Variants in ENOX1 observed in about 807,000 individuals in gnomAD.
The protein encoded by ENOX1 is candidate growth-related and time keeping constitutive hydroquinone (NADH) oxidase.
ENOX1 carries 42 observed loss-of-function variants against 82.5 expected under a neutral mutation model. The ratio of observed to expected loss-of-function variants is 0.51; its 90% CI spans 0.40 to 0.66. The LOEUF (loss-of-function observed/expected upper bound fraction) is 0.66, where lower values mean the gene tolerates loss of function less well. Ranked by LOEUF, ENOX1 falls within the 30% of genes least tolerant of loss-of-function variation. ENOX1 has a pLI of 0.00. For synonymous variants in ENOX1, 271 were observed against 282.2 expected (o/e 0.96, Z 0.40); for missense variants, 608 against 811.6 (o/e 0.75, Z 3.05).
chr13:43,597,295 T>C (rs928748535), intron 2 of ENOX1, among the ~76,000 whole-genome samples: 2 of 152,124 alleles, frequency 1.3e-5, no homozygotes, highest in Non-Finnish European at 1.5e-5. Context: ...CAGAGCCAAA[T>C]GATATCATGG....
At chr13:43,236,519 TCTCACCTTTTA>T in intron 15 of ENOX1, 106 bp downstream of exon 15, 1 of 597,978 alleles carries the variant, frequency 1.7e-6, no homozygotes, top group Non-Finnish European at 2.8e-6. Flanking sequence ...ATGAAATTAA[TCTCACCTTTTA>T]CCAGAAGGCA....
At chr13:43,702,431 G>A (rs1377448001) in intron 1 of ENOX1, among the ~76,000 whole-genome samples, 6 of 152,174 alleles carry the variant, frequency 3.9e-5, no homozygotes, top group African/African-American at 1.4e-4. Context: ...CTCTACTGCA[G>A]GATTAAACTT....
At chr13:43,513,395 G>A (rs567357692) in intron 2 of ENOX1, among the ~76,000 whole-genome samples, 7 of 152,194 alleles carry the variant, frequency 4.6e-5, no homozygotes, top group South Asian at 4.2e-4. Flanking sequence ...AAAAAAGACC[G>A]GAGAGGTGAG....
At chr13:43,333,496 T>C (rs951530439) in intron 9 of ENOX1, among the ~76,000 whole-genome samples, 1 of 152,228 alleles carries the variant, frequency 6.6e-6, no homozygotes, top group African/African-American at 2.4e-5. Context: ...AGTCATCACA[T>C]AGCAGCAGGA....
chr13:43,742,951 C>A (rs1594651876), intron 1 of ENOX1, among the ~76,000 whole-genome samples: 1 of 152,148 alleles, frequency 6.6e-6, no homozygotes, highest in African/African-American at 2.4e-5. Flanking sequence ...AGGATGAAAG[C>A]CTTCTATCCT....
chr13:43,519,848 G>A (rs181516529), intron 2 of ENOX1, among the ~76,000 whole-genome samples: 400 of 152,258 alleles, frequency 2.6e-3, no homozygotes, highest in Admixed American at 5.8e-3. Context: ...CAAAGCCCTC[G>A]TCAAGTTTCC....
intron 2 of ENOX1, among the ~76,000 whole-genome samples, chr13:43,649,610 C>T (rs543964865): frequency 3.3e-5 from 5 of 152,052 alleles, no homozygotes; most frequent in African/African-American, 7.2e-5. Context: ...ATTTGATTTC[C>T]AACTTCATCA....
intron 2 of ENOX1, among the ~76,000 whole-genome samples, chr13:43,511,376 T>C (rs1344180798): frequency 6.6e-6 from 1 of 152,200 alleles, no homozygotes; most frequent in Admixed American, 6.5e-5. Context: ...CAGAAGACCT[T>C]ATTTTATAGA....
rs553672501 is a variant in ENOX1, at chr13:43,477,074, C to A, written c.-75+6935G>T. 1.0e-3 allele frequency among the ~76,000 whole-genome samples: 153 copies of A among 150,370 alleles called. 1 individual carries two copies. The highest frequency in any genetic ancestry group is 3.7e-3 in the African/African-American group (150 of 41,032). ...AAATAAAAAAAAAATTGAGAAAAAA[C>A]AAGTTCCAAAGGTATATATTCAGTA... is the stretch of plus-strand genomic sequence containing the variant. On this transcript the variant is annotated intron_variant, in intron 3 of 16. Transcript: ENST00000690772.
chr13:43,592,320 T>C (rs1249347719), intron 2 of ENOX1, among the ~76,000 whole-genome samples: 2 of 152,216 alleles, frequency 1.3e-5, no homozygotes, highest in African/African-American at 4.8e-5. Flanking sequence ...AAGCATAACT[T>C]AGTGCATACT....
intron 12 of ENOX1, among the ~76,000 whole-genome samples, chr13:43,275,217 C>A (rs7987512): frequency 0.15 from 22,340 of 152,084 alleles, 2,126 homozygotes; most frequent in East Asian, 0.53. Context: ...CTTCTGTGAG[C>A]GGTGTGTCAA....
intron 12 of ENOX1, among the ~76,000 whole-genome samples, chr13:43,296,807 G>A (rs549709565): frequency 7.1e-4 from 108 of 152,284 alleles, no homozygotes; most frequent in African/African-American, 2.5e-3. Flanking sequence ...TAAAGCAACT[G>A]GGATAATCTT....
intron 2 of ENOX1, among the ~76,000 whole-genome samples, chr13:43,647,134 C>T (rs1218493613): frequency 2.0e-5 from 3 of 152,168 alleles, no homozygotes; most frequent in Non-Finnish European, 4.4e-5. Flanking sequence ...TTAGGGAACA[C>T]AGTCAAGAGC....
intron 14 of ENOX1, among the ~76,000 whole-genome samples, chr13:43,242,783 T>C (rs527956403): frequency 7.9e-5 from 12 of 152,366 alleles, no homozygotes; most frequent in Non-Finnish European, 1.6e-4. Context: ...GGAATTCTAC[T>C]CTTTCACTCC....
chr13:43,218,834 A>G (rs1019806619), intron 16 of ENOX1, among the ~76,000 whole-genome samples: 1 of 152,210 alleles, frequency 6.6e-6, no homozygotes, highest in African/African-American at 2.4e-5. Flanking sequence ...GAGAAAATTC[A>G]ATTTGTCCTT....
intron 5 of ENOX1, among the ~76,000 whole-genome samples, chr13:43,373,598 G>A (rs1386783577): frequency 5.9e-5 from 9 of 151,932 alleles, no homozygotes; most frequent in African/African-American, 9.7e-5. Context: ...ATACACACAC[G>A]TGTGCATAAA....
chr13:43,431,620 T>C (rs2055669424), intron 3 of ENOX1, among the ~76,000 whole-genome samples: 1 of 152,210 alleles, frequency 6.6e-6, no homozygotes, highest in Non-Finnish European at 1.5e-5. Flanking sequence ...CAGTGCCTAG[T>C]ACTTAGTAGA....
At chr13:43,301,316 C>CA (rs1229855401) in intron 11 of ENOX1, among the ~76,000 whole-genome samples, 3 of 152,112 alleles carry the variant, frequency 2.0e-5, no homozygotes, top group African/African-American at 7.2e-5. Context: ...ATCTGTATAG[C>CA]AAAATGCAAG....
At chr13:43,436,738 A>G (rs2056054812) in intron 3 of ENOX1, among the ~76,000 whole-genome samples, 1 of 152,228 alleles carries the variant, frequency 6.6e-6, no homozygotes, top group Admixed American at 6.5e-5. Context: ...GATCCACATC[A>G]TTATTTACAG....
Sources: allele counts gnomAD v4.1 joint callset (sites outside exome capture counted in the v4.1 genomes callset), GRCh38; gene constraint gnomAD v4.1.1; transcripts MANE v1.5; gene names NCBI Gene and HGNC (gene_info 2026-07-23, HGNC 2026-07-21).